The following NSD2 variants were observed in gnomAD, a reference collection of about 807,000 sequenced individuals.
NSD2 encodes histone-lysine N-methyltransferase NSD2.
A neutral mutation model predicts 139.0 loss-of-function variants in NSD2; 12 were observed. The ratio of observed to expected loss-of-function variants is 0.09; its 90% CI spans 0.06 to 0.14. The LOEUF is 0.14. Ranked by LOEUF, NSD2 falls within the 10% of genes least tolerant of loss-of-function variation. NSD2 has a pLI of 1.00. For synonymous variants in NSD2, 669 were observed against 648.7 expected (o/e 1.03, Z -0.48); for missense variants, 1,155 against 1,745.0 (o/e 0.66, Z 6.02).
At chr4:1,905,221 A>G (rs751563331) in intron 3 of NSD2, among the ~76,000 whole-genome samples, 1 of 152,244 alleles carries the variant, frequency 6.6e-6, no homozygotes, top group Non-Finnish European at 1.5e-5. Context: ...ATAGTAAAAG[A>G]TAATGTGGTT....
intron 1 of NSD2, among the ~76,000 whole-genome samples, chr4:1,890,990 C>T (rs922634213): frequency 6.6e-6 from 1 of 152,106 alleles, no homozygotes; most frequent in African/African-American, 2.4e-5. Context: ...ACCTCACAGG[C>T]TGAAGTGGTC....
intron 11 of NSD2, chr4:1,952,812 G>T: frequency 8.4e-7 from 1 of 1,191,754 alleles, no homozygotes; most frequent in Non-Finnish European, 1.0e-6. Flanking sequence ...CACAGCCGTG[G>T]CCCTTCCTGC....
intron 18 of NSD2, among the ~76,000 whole-genome samples, chr4:1,966,452 C>A (rs1467137719): frequency 2.0e-5 from 3 of 152,024 alleles, no homozygotes; most frequent in South Asian, 2.1e-4. Context: ...GTCAGGAGAT[C>A]GAGATCATCC....
chr4:1,879,666 C>T (rs191378992), intron 1 of NSD2, among the ~76,000 whole-genome samples: 1 of 152,128 alleles, frequency 6.6e-6, no homozygotes, highest in Admixed American at 6.6e-5. Context: ...TGTGATGAGC[C>T]GTGCCCTGTC....
intron 1 of NSD2, among the ~76,000 whole-genome samples, chr4:1,895,895 C>G (rs545074665): frequency 6.6e-6 from 1 of 152,348 alleles, no homozygotes; most frequent in Non-Finnish European, 1.5e-5. Flanking sequence ...GAGGGCCCAG[C>G]CCTGGGCTGG....
intron 2 of NSD2, among the ~76,000 whole-genome samples, chr4:1,901,733 AC>A (rs1333538568): frequency 1.3e-5 from 2 of 152,262 alleles, no homozygotes; most frequent in East Asian, 3.9e-4. Context: ...CGCTGTCCTT[AC>A]CCTGTGGTCC....
chr4:1,939,888 AC>A, intron 9 of NSD2, 110 bp downstream of exon 9: 1 of 1,582,466 alleles, frequency 6.3e-7, no homozygotes, highest in Non-Finnish European at 8.6e-7. Context: ...ATTGGTGCTC[AC>A]TGCCAGTGCA....
intron 9 of NSD2, chr4:1,944,214 G>T: frequency 9.4e-7 from 1 of 1,066,128 alleles, no homozygotes; most frequent in Non-Finnish European, 1.1e-6. Flanking sequence ...CCAGGAGTGG[G>T]CTCATCCTAG....
chr4:1,882,328 G>C (rs1714761637), intron 1 of NSD2, among the ~76,000 whole-genome samples: 1 of 152,136 alleles, frequency 6.6e-6, no homozygotes, highest in Admixed American at 6.6e-5. Context: ...CCTTTCTCTT[G>C]TTTCTGACTG....
intron 5 of NSD2, among the ~76,000 whole-genome samples, chr4:1,922,070 C>T (rs1285102691): frequency 1.3e-5 from 2 of 152,104 alleles, no homozygotes; most frequent in Non-Finnish European, 2.9e-5. Flanking sequence ...ATTGCTGGAA[C>T]CTGGAGGCAG....
intron 9 of NSD2, chr4:1,943,266 C>T (rs1249163270): frequency 3.1e-5 from 32 of 1,043,444 alleles, no homozygotes; most frequent in South Asian, 2.3e-4. Flanking sequence ...AGTTAATTCC[C>T]GGCAGATTCT....
Position 1,942,824 on chromosome 4 carries a change from A to C in NSD2, c.1881+3046A>C, listed in dbSNP as rs1723236287. The C allele has an allele frequency of 8.4e-6, 9 of 1,071,980 alleles. No homozygotes were observed. The South Asian group carries it at 3.5e-4, about 41-fold the overall frequency. 66.4% of individuals were successfully genotyped at this position (1,071,980 alleles called of 1,614,324 possible). On this transcript the variant is annotated intron_variant, in intron 9 of 21. Coordinates refer to ENST00000508803, the MANE Select transcript of NSD2 (RefSeq NM_001042424.3). This position sits in a 1 kb window ranked among gnomAD's most constrained non-coding sequence, Gnocchi z 4.0. ...AAACAAACTAACAGCACACGTTAGG[A>C]GGAGTCCTCATCAGCTGTTCTCATT...
intron 5 of NSD2, among the ~76,000 whole-genome samples, chr4:1,923,337 AATT>A (rs1366866197): frequency 6.6e-6 from 1 of 151,846 alleles, no homozygotes; most frequent in African/African-American, 2.4e-5. Flanking sequence ...AAAAAAAAAA[AATT>A]CTTATGTGTC....
chr4:1,914,538 C>T (rs1719105573), intron 3 of NSD2, among the ~76,000 whole-genome samples: 1 of 152,144 alleles, frequency 6.6e-6, no homozygotes, highest in South Asian at 2.1e-4. Flanking sequence ...GTTGGCCAGG[C>T]TGGTCTCGAA....
rs191514428 is a variant in NSD2, at chr4:1,911,920, A to G, written c.761-4951A>G. Among the ~76,000 whole-genome samples the G allele has an allele frequency of 3.9e-3, 587 of 152,270 alleles. 11 individuals carry two copies. The highest frequency in any genetic ancestry group is 0.036 in the Admixed American group (551 of 15,286). The stretch of plus-strand genomic sequence containing the variant: ...CATGTAAGGAGCATTTATCTGTGTC[A>G]TTATTTATAAACATGGTTTAATTTT... On this transcript the variant is annotated intron_variant, in intron 3 of 21. Coordinates refer to ENST00000508803, the MANE Select transcript of NSD2 (RefSeq NM_001042424.3).
At chr4:1,901,287 C>T (rs370294691) in intron 2 of NSD2, 36 bp downstream of exon 2, 1 of 1,521,140 alleles carries the variant, frequency 6.6e-7, no homozygotes, top group African/African-American at 1.4e-5. Flanking sequence ...GTCATGTGAC[C>T]TTGAGCAGTG....
intron 10 of NSD2, 160 bp from the exon 11 acceptor site, chr4:1,951,948 C>T: frequency 1.8e-6 from 2 of 1,138,832 alleles, no homozygotes; most frequent in Non-Finnish European, 2.4e-6. Flanking sequence ...TTTGTACGTT[C>T]TGTTTGGGCC....
intron 1 of NSD2, among the ~76,000 whole-genome samples, chr4:1,889,774 TG>T (rs968320691): frequency 6.6e-6 from 1 of 152,166 alleles, no homozygotes; most frequent in African/African-American, 2.4e-5. Flanking sequence ...CCCAAAGTGC[TG>T]GGATTACAGG....
At chr4:1,946,092 G>A (rs1209989191) in intron 9 of NSD2, 1 of 1,029,940 alleles carries the variant, frequency 9.7e-7, no homozygotes, top group Admixed American at 5.7e-5. Flanking sequence ...TCTATAAATA[G>A]GGTAATTGCT....
Sources: allele counts gnomAD v4.1 joint callset (sites outside exome capture counted in the v4.1 genomes callset), GRCh38; gene constraint gnomAD v4.1.1; non-coding constraint Gnocchi (gnomAD v3.1); transcripts MANE v1.5; gene names NCBI Gene and HGNC (gene_info 2026-07-23, HGNC 2026-07-21).